PHF21B: variants seen among roughly 807,000 people sequenced by gnomAD.
PHF21B encodes the protein PHD finger protein 21B.
PHF21B carries 22 observed loss-of-function variants against 62.2 expected under a neutral mutation model. The observed-to-expected ratio is 0.35, with a 90% CI of 0.25 to 0.51. The LOEUF (loss-of-function observed/expected upper bound fraction) is 0.51, where lower values mean the gene tolerates loss of function less well. PHF21B is among the 20% of genes least tolerant of loss of function. The pLI, the probability that PHF21B is intolerant of heterozygous loss-of-function variation, is 0.97. For synonymous variants in PHF21B, 341 were observed against 314.7 expected, an observed-to-expected ratio of 1.08 and a Z score of -0.88; for missense variants, 701 against 707.9, an observed-to-expected ratio of 0.99 and a Z score of 0.11.
At chr22:44,942,621 G>T (rs564688117) in intron 2 of PHF21B, among the ~76,000 whole-genome samples, 3 of 152,178 alleles carry the variant, frequency 2.0e-5, no homozygotes, top group Admixed American at 6.5e-5. Flanking sequence ...GGGCACCGAG[G>T]TCTGTGGCCC....
rs147703835 is a variant in PHF21B, at chr22:44,913,918, C to T, written c.735G>A (p.Thr245=). 1.3e-5 allele frequency: 20 copies of T among 1,593,266 alleles called. No individual in the cohort carries two copies. The highest frequency in any genetic ancestry group is 4.6e-5 in the East Asian group (2 of 43,266). ...CCTCTGTGGGCGGCCGCGACTCTGCCGTGCTCTCGGGCTGCGTCTGCACTT... is the reference window on the plus strand; with the variant it reads ...CCTCTGTGGGCGGCCGCGACTCTGCTGTGCTCTCGGGCTGCGTCTGCACTT... The part of the protein sequence containing the change: ...QPQVQTQPES[T]AESRPPTEEP... Residue 245 remains threonine, a synonymous_variant, in exon 5 of 13, where the codon ACG becomes ACA. Transcript: ENST00000313237.
chr22:44,919,417 T>A (rs956688456), intron 3 of PHF21B, among the ~76,000 whole-genome samples: 7 of 152,258 alleles, frequency 4.6e-5, no homozygotes, highest in African/African-American at 1.7e-4. Context: ...TAGTGTATTT[T>A]ATGTGCGGCC....
chr22:44,981,769 C>T (rs939138322), intron 2 of PHF21B, among the ~76,000 whole-genome samples: 7 of 152,190 alleles, frequency 4.6e-5, no homozygotes, highest in Admixed American at 6.5e-5. Flanking sequence ...CAAGCTACAG[C>T]GGCACGCAGG....
At chr22:44,905,004 CTT>C (rs2071223574) in intron 5 of PHF21B, among the ~76,000 whole-genome samples, 3 of 152,164 alleles carry the variant, frequency 2.0e-5, no homozygotes, top group Admixed American at 2.0e-4. Context: ...TTCTCTTTAT[CTT>C]TGACATGAAT....
In PHF21B at chr22:44,883,003, T is replaced by A. The variant is rs1017969995; in HGVS notation, c.*83A>T. 77 of 1,416,314 alleles carry A rather than the reference T, an allele frequency of 5.4e-5. No individual in the cohort carries two copies. The highest frequency in any genetic ancestry group is 7.0e-5 in the Non-Finnish European group (74 of 1,051,480). The allele number at this position is 1,416,314 out of a possible 1,614,324, so 87.7% of individuals were successfully genotyped here. On this transcript the variant is annotated 3_prime_UTR_variant, in exon 13 of 13. Transcript: ENST00000313237. ...TTTTGTCTGAAATTCATAGTGTTTA[T>A]GAATTAAGGCCGACAGAACCCCCAG...
rs907724251 is a variant in PHF21B at position 44,960,368 on chromosome 22, C to T, written c.121-39878G>A. On this transcript the variant is annotated intron_variant, in intron 2 of 12. Coordinates refer to ENST00000313237, the MANE Select transcript of PHF21B (RefSeq NM_138415.5). ...AAAATGAGAAAATTCTGGGTCGACA[C>T]TGCAGTCCGGCAGCACCAGGCAAAG... 2.0e-5 allele frequency among the ~76,000 whole-genome samples: 3 copies of T among 152,308 alleles called. 1 individual carries two copies. Among genetic ancestry groups the T allele is most frequent in the South Asian group, 4.1e-4 (2 of 4,822 alleles).
At chr22:44,886,392 CAAAAAAAAAAAAAAAAAA>C (rs61502377) in intron 10 of PHF21B, among the ~76,000 whole-genome samples, 2 of 53,168 alleles carry the variant, frequency 3.8e-5, no homozygotes, top group Non-Finnish European at 7.0e-5. Context: ...GAAGAAGAGG[CAAAAAAAAAAAAAAAAAA>C]AAAAAAAAAA....
chr22:44,937,448 G>C (rs561650576), intron 2 of PHF21B, among the ~76,000 whole-genome samples: 1 of 152,186 alleles, frequency 6.6e-6, no homozygotes, highest in South Asian at 2.1e-4. Flanking sequence ...GGGCCATCAC[G>C]GAGTAGCCGG....
chr22:44,969,928 G>A (rs781728977), intron 2 of PHF21B, among the ~76,000 whole-genome samples: 2 of 152,336 alleles, frequency 1.3e-5, no homozygotes, highest in African/African-American at 2.4e-5. Flanking sequence ...ACACTGTCTC[G>A]TTTTTCCATG....
chr22:44,974,415 A>G (rs2072698124), intron 2 of PHF21B, among the ~76,000 whole-genome samples: 1 of 151,996 alleles, frequency 6.6e-6, no homozygotes, highest in African/African-American at 2.4e-5. Flanking sequence ...GTCTTAAAAA[A>G]AAAAAAAAAA....
intron 2 of PHF21B, among the ~76,000 whole-genome samples, chr22:44,990,548 G>T (rs1368250953): frequency 6.6e-6 from 1 of 152,224 alleles, no homozygotes; most frequent in Non-Finnish European, 1.5e-5. Flanking sequence ...AGTATATTAC[G>T]CTAAGTGAAA....
chr22:44,906,374 C>G (rs1188190714), intron 5 of PHF21B, among the ~76,000 whole-genome samples: 6 of 152,220 alleles, frequency 3.9e-5, no homozygotes, highest in African/African-American at 1.4e-4. Flanking sequence ...GGAGACGGGC[C>G]AGGGTCCACT....
At chr22:44,929,890 C>T (rs1011320462) in intron 2 of PHF21B, among the ~76,000 whole-genome samples, 2 of 152,036 alleles carry the variant, frequency 1.3e-5, no homozygotes, top group Non-Finnish European at 2.9e-5. Flanking sequence ...GGCGACAGGT[C>T]GAAGATGAGG....
intron 6 of PHF21B, among the ~76,000 whole-genome samples, chr22:44,894,845 G>A (rs966220276): frequency 2.6e-5 from 4 of 152,186 alleles, no homozygotes; most frequent in African/African-American, 9.6e-5. Flanking sequence ...GTCCCCGCGC[G>A]CTGGGCTCTG....
At position 44,974,905 on chromosome 22, in the gene PHF21B, C is replaced by T. The variant is rs182933337; in HGVS notation, c.120+33640G>A. ...ATATTAATACCACTCAGTACCCAAT[C>T]ATTGAACAAGCAGATCAAAATGAAA... On this transcript the variant is annotated intron_variant, in intron 2 of 12. Coordinates refer to ENST00000313237, the MANE Select transcript of PHF21B (RefSeq NM_138415.5). 5.1e-3 allele frequency among the ~76,000 whole-genome samples: 780 copies of T among 152,332 alleles called. 1 individual carries two copies. Among genetic ancestry groups the T allele is most frequent in the Non-Finnish European group, 8.7e-3 (591 of 68,020 alleles).
At chr22:44,920,000 C>A (rs1250450527) in intron 3 of PHF21B, among the ~76,000 whole-genome samples, 1 of 152,194 alleles carries the variant, frequency 6.6e-6, no homozygotes, top group Non-Finnish European at 1.5e-5. Flanking sequence ...TGAATCCCCT[C>A]GTCCAGAGTG....
chr22:44,947,400 A>C (rs2072096303), intron 2 of PHF21B, among the ~76,000 whole-genome samples: 1 of 152,224 alleles, frequency 6.6e-6, no homozygotes, highest in Admixed American at 6.5e-5. Flanking sequence ...ATGCTAACTT[A>C]GGAAGTGCCC....
At chr22:45,008,926 CGGGGGAG>C (rs1376442593) in intron 1 of PHF21B, 10 of 1,119,368 alleles carry the variant, frequency 8.9e-6, no homozygotes, top group Non-Finnish European at 1.1e-5. Context: ...GAGTGTGTGC[CGGGGGAG>C]GGGGGAGGAA....
At chr22:44,946,657 C>T (rs188585713) in intron 2 of PHF21B, among the ~76,000 whole-genome samples, 6 of 151,966 alleles carry the variant, frequency 3.9e-5, no homozygotes, top group Non-Finnish European at 7.4e-5. Flanking sequence ...ATGGACGGTG[C>T]GTGGGTAGAA....
Sources: gnomAD v4.1 joint callset for allele counts (sites outside exome capture counted in the v4.1 genomes callset) on GRCh38, gnomAD v4.1.1 for gene constraint, MANE v1.5 for transcripts, NCBI Gene and HGNC (gene_info 2026-07-23, HGNC 2026-07-21) for gene names.